GRM5: variants seen among roughly 807,000 people sequenced by gnomAD.
GRM5 encodes metabotropic glutamate receptor 5.
Under a neutral mutation model 83.1 loss-of-function variants are expected in GRM5, and 19 were observed. That is an observed-to-expected ratio of 0.23 (90% CI 0.16 to 0.34). The LOEUF (loss-of-function observed/expected upper bound fraction) is 0.34, where lower values mean the gene tolerates loss of function less well. Among genes scored for constraint, GRM5 ranks in the 10% least tolerant of loss-of-function variants. GRM5 has a pLI of 1.00. For missense variants in GRM5, 1,160 were observed against 1,588.3 expected (o/e 0.73, Z 4.58); for synonymous variants, 675 against 633.6 (o/e 1.07, Z -0.98).
chr11:88,748,688 G>T (rs1215788465), intron 3 of GRM5, among the ~76,000 whole-genome samples: 3 of 152,212 alleles, frequency 2.0e-5, no homozygotes, highest in African/African-American at 4.8e-5. Context: ...ACAGGTGAAT[G>T]CAGGCTGGCA....
rs114152089 is a variant in GRM5, at chr11:88,738,929, A to G, written c.912-85526T>C. ...GTTTCTTACACTCTCTTCTTCGCCT[A>G]TCTTTACATGCTCCAATTCCAGATG... On this transcript the variant is annotated intron_variant, in intron 3 of 9. Coordinates refer to ENST00000305447, the MANE Select transcript of GRM5 (RefSeq NM_001143831.3). Among the ~76,000 whole-genome samples the G allele has an allele frequency of 5.7e-3, 868 of 152,202 alleles. 7 individuals are homozygous for G. The highest frequency in any genetic ancestry group is 0.02 in the African/African-American group (833 of 41,552).
chr11:88,651,189 T>C (rs1323408039), intron 4 of GRM5, among the ~76,000 whole-genome samples: 1 of 151,984 alleles, frequency 6.6e-6, no homozygotes, highest in Non-Finnish European at 1.5e-5. Flanking sequence ...CAAGTAAAGT[T>C]TTCAAGGCTG....
chr11:88,888,694 A>T (rs1200176157), intron 2 of GRM5, among the ~76,000 whole-genome samples: 1 of 152,158 alleles, frequency 6.6e-6, no homozygotes, highest in African/African-American at 2.4e-5. Flanking sequence ...AATAATAAGG[A>T]TCACTATTTA....
intron 2 of GRM5, among the ~76,000 whole-genome samples, chr11:88,998,624 G>C (rs1940270593): frequency 6.6e-6 from 1 of 152,126 alleles, no homozygotes; most frequent in African/African-American, 2.4e-5. Flanking sequence ...ACTAAGATTA[G>C]AGATGAAGCA....
intron 2 of GRM5, among the ~76,000 whole-genome samples, chr11:88,938,052 T>C (rs1289628518): frequency 2.0e-5 from 3 of 151,852 alleles, no homozygotes; most frequent in Admixed American, 2.0e-4. Flanking sequence ...TTAAATATTC[T>C]CACGACCAAC....
intron 2 of GRM5, among the ~76,000 whole-genome samples, chr11:89,020,189 C>T (rs1940948710): frequency 6.6e-6 from 1 of 152,156 alleles, no homozygotes. Context: ...TTATAGTGTA[C>T]AAGTGAAAGT....
At chr11:88,547,542 C>A (rs1338155195) in intron 8 of GRM5, among the ~76,000 whole-genome samples, 1 of 152,174 alleles carries the variant, frequency 6.6e-6, no homozygotes, top group Non-Finnish European at 1.5e-5. Flanking sequence ...AACTCAAACA[C>A]TCCCATTATT....
At chr11:88,756,799 C>A (rs1942403665) in intron 3 of GRM5, among the ~76,000 whole-genome samples, 1 of 151,872 alleles carries the variant, frequency 6.6e-6, no homozygotes, top group Non-Finnish European at 1.5e-5. Context: ...ATCTGTAGGA[C>A]AATATCAAGT....
At chr11:88,916,176 A>G (rs1945588136) in intron 2 of GRM5, among the ~76,000 whole-genome samples, 1 of 152,172 alleles carries the variant, frequency 6.6e-6, no homozygotes, top group Non-Finnish European at 1.5e-5. Context: ...CTGTCTACAT[A>G]AGAAAGCATC....
intron 3 of GRM5, among the ~76,000 whole-genome samples, chr11:88,809,819 G>A (rs1323955023): frequency 5.9e-5 from 9 of 151,580 alleles, no homozygotes; most frequent in African/African-American, 2.2e-4. Flanking sequence ...GCCAGATTTA[G>A]CAAATAAAAA....
intron 3 of GRM5, among the ~76,000 whole-genome samples, chr11:88,799,470 G>C (rs555883437): frequency 6.6e-6 from 1 of 152,172 alleles, no homozygotes; most frequent in South Asian, 2.1e-4. Flanking sequence ...AGGTATGTGA[G>C]TGCATGGAAA....
chr11:88,509,673 C>T (rs998541622), intron 9 of GRM5, among the ~76,000 whole-genome samples, 169 bp from the exon 10 acceptor site: 2 of 152,124 alleles, frequency 1.3e-5, no homozygotes, highest in East Asian at 1.9e-4. Flanking sequence ...TTGGAAGTGG[C>T]TTTCCTTTGC....
intron 3 of GRM5, among the ~76,000 whole-genome samples, chr11:88,678,586 A>G (rs531374770): frequency 2.0e-5 from 3 of 152,230 alleles, no homozygotes; most frequent in Non-Finnish European, 4.4e-5. Flanking sequence ...TATGCCAGTC[A>G]TTGAACTCAG....
chr11:88,755,177 G>T lies in GRM5; in HGVS notation c.911+94729C>A, dbSNP rs557896644. Among the ~76,000 whole-genome samples, 5 of 152,226 alleles carry T rather than the reference G, an allele frequency of 3.3e-5. No homozygotes were observed. The East Asian group carries it at 9.7e-4, about 29-fold the overall frequency. ...TTCAATAAGGCATTTGGAAATAGAA[G>T]ATATCTCATCAAAGACAAGAGCTTG... On this transcript the variant is annotated intron_variant, in intron 3 of 9. Transcript: ENST00000305447.
In GRM5 at chr11:88,854,058, G is replaced by GTATATATA. The variant is rs10525785; in HGVS notation, c.662-3911_662-3904dup. Among the ~76,000 whole-genome samples the GTATATATA allele has an allele frequency of 5.9e-3, 710 of 121,202 alleles. 18 individuals are homozygous for GTATATATA. Among genetic ancestry groups the GTATATATA allele is most frequent in the African/African-American group, 0.018 (597 of 32,336 alleles). The allele number at this position is 121,202 out of a possible 152,430, so 79.5% of individuals were successfully genotyped here. A position where few individuals can be genotyped will look rare whatever the true frequency, so the allele number is the denominator to read the frequency against. On this transcript the variant is annotated intron_variant, in intron 2 of 9. Transcript: ENST00000305447. ...AGATAAATGAATTAAAAAATGTGGTGTATATATATATATATATATACACAA... is the reference window on the plus strand; with the variant it reads ...AGATAAATGAATTAAAAAATGTGGTGTATATATATATATATATATATATATATACACAA...
At chr11:88,533,521 T>C (rs1258134965) in intron 8 of GRM5, among the ~76,000 whole-genome samples, 2 of 152,134 alleles carry the variant, frequency 1.3e-5, no homozygotes, top group African/African-American at 2.4e-5. Flanking sequence ...ATTTTACTTA[T>C]TTATTTTATT....
chr11:88,530,410 G>A (rs994840678), intron 8 of GRM5, among the ~76,000 whole-genome samples: 3 of 151,912 alleles, frequency 2.0e-5, no homozygotes, highest in African/African-American at 7.2e-5. Context: ...GACTTATTCT[G>A]AAATAAGTTT....
At chr11:88,894,956 T>C (rs1945208530) in intron 2 of GRM5, among the ~76,000 whole-genome samples, 1 of 151,902 alleles carries the variant, frequency 6.6e-6, no homozygotes, top group Admixed American at 6.6e-5. Flanking sequence ...CTCCAGCCTG[T>C]GAGAAAAAAT....
intron 9 of GRM5, among the ~76,000 whole-genome samples, chr11:88,512,548 G>A (rs1941405398): frequency 6.6e-6 from 1 of 152,132 alleles, no homozygotes; most frequent in Middle Eastern, 3.2e-3. Context: ...AGCATTTGAT[G>A]GATGAATAGG....
Sources: allele counts gnomAD v4.1 joint callset (sites outside exome capture counted in the v4.1 genomes callset), GRCh38; gene constraint gnomAD v4.1.1; transcripts MANE v1.5; gene names NCBI Gene and HGNC (gene_info 2026-07-23, HGNC 2026-07-21).